PTPRM: variants seen among roughly 807,000 people sequenced by gnomAD.
The protein encoded by PTPRM is protein tyrosine phosphatase receptor type M.
In PTPRM, 47 loss-of-function variants were observed where a neutral mutation model predicts 186.7. The ratio of observed to expected loss-of-function variants is 0.25; its 90% confidence interval spans 0.20 to 0.32. The LOEUF is 0.32. Among genes scored for constraint, PTPRM ranks in the 10% least tolerant of loss-of-function variants. PTPRM has a pLI of 1.00. For missense variants in PTPRM, 1,494 were observed against 1,865.0 expected, an observed-to-expected ratio of 0.80 and a Z score of 3.66; for synonymous variants, 668 against 674.9, an observed-to-expected ratio of 0.99 and a Z score of 0.16.
rs1323088531 is a variant in PTPRM at position 8,085,689 on chromosome 18, A to G, written c.1570A>G (p.Ser524Gly). ...TTTGCAGATCACCTACAAAGCAGTC[A>G]GTTCCTTTGACCCAGAAATAGATTT... ...TLYEITYKAV[S>G]SFDPEIDLSN... is the part of the protein sequence containing the mutation. Residue 524 changes from serine (S) to glycine (G), a missense_variant, in exon 10 of 33, where the codon AGT (serine) becomes GGT (glycine). Physicochemically the swap from Ser to Gly is moderately conservative, Grantham distance 56. Around this residue, in one of 3 missense-constraint regions of PTPRM, gnomAD observed 1,107 missense variants for 1,350.2 expected, o/e 0.82. Coordinates refer to ENST00000580170, the MANE Select transcript of PTPRM (RefSeq NM_001105244.2). 8 of 1,605,816 alleles carry G rather than the reference A, an allele frequency of 5.0e-6. No homozygotes were observed. The highest frequency in any genetic ancestry group is 3.3e-5 in the Admixed American group (2 of 59,922).
chr18:8,308,597 G>A (rs560264847), intron 20 of PTPRM, among the ~76,000 whole-genome samples: 7 of 152,144 alleles, frequency 4.6e-5, no homozygotes, highest in African/African-American at 1.7e-4. Context: ...TTTTTATCGT[G>A]CTAAATATTC....
intron 1 of PTPRM, among the ~76,000 whole-genome samples, chr18:7,654,539 C>T (rs1191438034): frequency 6.6e-6 from 1 of 152,082 alleles, no homozygotes; most frequent in Admixed American, 6.6e-5. Context: ...TTTCCTATGT[C>T]CAGAATAGTA....
At chr18:7,964,409 A>G (rs907039940) in intron 7 of PTPRM, among the ~76,000 whole-genome samples, 1 of 152,168 alleles carries the variant, frequency 6.6e-6, no homozygotes, top group South Asian at 2.1e-4. Context: ...TAACCTTGCT[A>G]TTCCTAGTTT....
chr18:7,711,137 CATCTCATT>C (rs1186531160), intron 1 of PTPRM, among the ~76,000 whole-genome samples: 1 of 152,072 alleles, frequency 6.6e-6, no homozygotes, highest in Non-Finnish European at 1.5e-5. Context: ...GTACCCGGCT[CATCTCATT>C]GGGACTGGTT....
At chr18:8,207,376 G>A (rs1250508392) in intron 14 of PTPRM, among the ~76,000 whole-genome samples, 1 of 152,170 alleles carries the variant, frequency 6.6e-6, no homozygotes, top group Non-Finnish European at 1.5e-5. Flanking sequence ...ATTTTCCAAT[G>A]CAGTGATTTA....
intron 23 of PTPRM, among the ~76,000 whole-genome samples, chr18:8,359,200 G>A (rs1230483994): frequency 1.3e-5 from 2 of 152,196 alleles, no homozygotes; most frequent in African/African-American, 4.8e-5. Flanking sequence ...TGACACTTTT[G>A]TGTCAGCCAT....
At chr18:7,783,748 T>TGTG (rs2042965390) in intron 2 of PTPRM, among the ~76,000 whole-genome samples, 2 of 146,620 alleles carry the variant, frequency 1.4e-5, no homozygotes, top group African/African-American at 2.5e-5. Flanking sequence ...ATTTTTAATT[T>TGTG]TGTGTGTGTG....
Position 8,380,437 on chromosome 18 carries a change from G to C in PTPRM, c.3918+10G>C. 6.2e-7 allele frequency: 1 copy of C among 1,614,022 alleles called. No individual in the cohort carries two copies. Reference sequence around the variant, plus strand: ...TGTGGATCCTGCCCAGGTGAGACCCGGACTTCTTACAGTCAGAACTAGTGC... The same window carrying C: ...TGTGGATCCTGCCCAGGTGAGACCCCGACTTCTTACAGTCAGAACTAGTGC... On this transcript the variant is annotated intron_variant, in intron 29 of 32. Coordinates refer to ENST00000580170, the MANE Select transcript of PTPRM (RefSeq NM_001105244.2).
At chr18:7,825,352 A>G (rs1488935051) in intron 2 of PTPRM, among the ~76,000 whole-genome samples, 4 of 152,180 alleles carry the variant, frequency 2.6e-5, no homozygotes, top group Non-Finnish European at 5.9e-5. Context: ...TCGCTATTTA[A>G]TAAATGGAAT....
At chr18:7,922,145 A>AT (rs1423743000) in intron 4 of PTPRM, among the ~76,000 whole-genome samples, 1 of 152,188 alleles carries the variant, frequency 6.6e-6, no homozygotes, top group Non-Finnish European at 1.5e-5. Flanking sequence ...TATGGTAAAC[A>AT]ATGAGAGTGC....
chr18:7,865,707 G>T (rs1363980222), intron 2 of PTPRM, among the ~76,000 whole-genome samples: 1 of 152,190 alleles, frequency 6.6e-6, no homozygotes, highest in Non-Finnish European at 1.5e-5. Flanking sequence ...CATAAAATGA[G>T]TTACGGAGGA....
At chr18:7,670,796 A>T (rs1245369070) in intron 1 of PTPRM, among the ~76,000 whole-genome samples, 1 of 152,182 alleles carries the variant, frequency 6.6e-6, no homozygotes, top group Non-Finnish European at 1.5e-5. Context: ...AAACACCTCA[A>T]ATGAATTCTG....
In PTPRM at chr18:8,359,716, T is replaced by C. The variant is rs572207928; in HGVS notation, c.3055-11174T>C. On this transcript the variant is annotated intron_variant, in intron 23 of 32. Coordinates refer to ENST00000580170, the MANE Select transcript of PTPRM (RefSeq NM_001105244.2). ...CATCACAGCCTGAGCGGTTTTACAG[T>C]GTGGTTCCAGCACATTCCTACCTGC... 1.2e-4 allele frequency among the ~76,000 whole-genome samples: 18 copies of C among 152,342 alleles called. No individual in the cohort carries two copies. The South Asian group carries it at 3.7e-3, about 32-fold the overall frequency.
At chr18:8,210,747 C>T (rs1012404251) in intron 14 of PTPRM, among the ~76,000 whole-genome samples, 7 of 152,086 alleles carry the variant, frequency 4.6e-5, no homozygotes, top group South Asian at 2.1e-4. Context: ...GACTGTATGA[C>T]GTTCTGAAGG....
At chr18:7,949,382 T>C in intron 6 of PTPRM, 27 bp downstream of exon 6, 1 of 1,571,424 alleles carries the variant, frequency 6.4e-7, no homozygotes, top group Non-Finnish European at 8.7e-7. Flanking sequence ...TATACCAGAA[T>C]ATTCTTCTAA....
chr18:7,698,448 A>G (rs926839416), intron 1 of PTPRM, among the ~76,000 whole-genome samples: 1 of 152,186 alleles, frequency 6.6e-6, no homozygotes. Context: ...TACTTTATCA[A>G]TCCAGCATCA....
chr18:7,840,008 C>T (rs2046241804), intron 2 of PTPRM, among the ~76,000 whole-genome samples: 1 of 150,642 alleles, frequency 6.6e-6, no homozygotes, highest in South Asian at 2.1e-4. Flanking sequence ...GTGCTCCCCT[C>T]TCCCCAGCAC....
At chr18:8,236,876 T>G (rs1258988628) in intron 14 of PTPRM, among the ~76,000 whole-genome samples, 1 of 152,180 alleles carries the variant, frequency 6.6e-6, no homozygotes, top group Non-Finnish European at 1.5e-5. Flanking sequence ...GACATTTACA[T>G]GATTATTGAT....
At chr18:8,248,707 G>A (rs896178223) in intron 17 of PTPRM, among the ~76,000 whole-genome samples, 1 of 152,052 alleles carries the variant, frequency 6.6e-6, no homozygotes, top group Admixed American at 6.6e-5. Context: ...GCCACTCAGG[G>A]CACCCCACCC....
Sources: gnomAD v4.1 joint callset for allele counts (sites outside exome capture counted in the v4.1 genomes callset) on GRCh38, gnomAD v4.1.1 for gene constraint, gnomAD v4.1.1 regional missense constraint, MANE v1.5 for transcripts, NCBI Gene and HGNC (gene_info 2026-07-23, HGNC 2026-07-21) for gene names.